The following BTRC variants were observed in gnomAD, a reference collection of about 807,000 sequenced individuals.
BTRC encodes the protein beta-transducin repeat containing E3 ubiquitin protein ligase.
Under a neutral mutation model 85.5 loss-of-function variants are expected in BTRC, and 42 were observed. That is an observed-to-expected ratio of 0.49 (90% CI 0.38 to 0.64). The LOEUF is 0.64. Among genes scored for constraint, BTRC ranks in the 30% least tolerant of loss-of-function variants. BTRC has a pLI of 0.00. For synonymous variants in BTRC, 255 were observed against 263.3 expected, an observed-to-expected ratio of 0.97 and a Z score of 0.30; for missense variants, 594 against 743.5, an observed-to-expected ratio of 0.80 and a Z score of 2.34.
intron 11 of BTRC, 44 bp from the exon 12 acceptor site, chr10:101,536,499 A>G (rs1426634414): frequency 1.4e-6 from 2 of 1,455,642 alleles, no homozygotes; most frequent in Non-Finnish European, 1.9e-6. Context: ...CCAGGCTTAG[A>G]AAAGAATACG....
intron 2 of BTRC, among the ~76,000 whole-genome samples, chr10:101,458,536 G>C (rs547911307): frequency 6.6e-6 from 1 of 152,094 alleles, no homozygotes; most frequent in African/African-American, 2.4e-5. Flanking sequence ...AATTAATATT[G>C]ATACAGTGTT....
At chr10:101,387,528 C>CTGTTTTTTTTTTTTTTTTTTTTT (rs1943110588) in intron 1 of BTRC, among the ~76,000 whole-genome samples, 1 of 45,092 alleles carries the variant, frequency 2.2e-5, no homozygotes, top group Non-Finnish European at 3.4e-5. Context: ...CTTCATGGGA[C>CTGTTTTTTTTTTTTTTTTTTTTT]TTTTTTTTTT....
chr10:101,382,942 T>C (rs976386831), intron 1 of BTRC, among the ~76,000 whole-genome samples: 1 of 152,106 alleles, frequency 6.6e-6, no homozygotes, highest in African/African-American at 2.4e-5. Flanking sequence ...AACTTTTATC[T>C]TTAGTGCAAC....
At chr10:101,535,591 T>A in intron 11 of BTRC, 119 bp downstream of exon 11, 1 of 671,618 alleles carries the variant, frequency 1.5e-6, no homozygotes, top group Non-Finnish European at 2.3e-6. Flanking sequence ...TTTTCCTTTC[T>A]GTAGCTTCTT....
At chr10:101,546,513 C>T (rs752381156) in intron 13 of BTRC, among the ~76,000 whole-genome samples, 8 of 151,858 alleles carry the variant, frequency 5.3e-5, no homozygotes, top group Admixed American at 1.3e-4. Context: ...AAAATGAAAA[C>T]ACAGCTATCA....
At chr10:101,357,102 C>G (rs558969873) in intron 1 of BTRC, among the ~76,000 whole-genome samples, 1 of 151,028 alleles carries the variant, frequency 6.6e-6, no homozygotes, top group African/African-American at 2.4e-5. Flanking sequence ...GCACTCCAGC[C>G]TGGGCGACAG....
At chr10:101,410,780 G>A (rs561556993) in intron 1 of BTRC, among the ~76,000 whole-genome samples, 2 of 151,852 alleles carry the variant, frequency 1.3e-5, no homozygotes, top group African/African-American at 2.4e-5. Context: ...AAAACAATAT[G>A]CATCTTTAAC....
chr10:101,389,451 A>G (rs1943180453), intron 1 of BTRC, among the ~76,000 whole-genome samples: 1 of 151,896 alleles, frequency 6.6e-6, no homozygotes, highest in Non-Finnish European at 1.5e-5. Flanking sequence ...GAGATCTAAA[A>G]TGTTCTAATA....
intron 1 of BTRC, among the ~76,000 whole-genome samples, chr10:101,417,749 A>G (rs1943985856): frequency 6.6e-6 from 1 of 152,028 alleles, no homozygotes; most frequent in African/African-American, 2.4e-5. Flanking sequence ...CAGTGGCGTG[A>G]TCCTCATTGT....
At chr10:101,402,476 G>A (rs930879832) in intron 1 of BTRC, among the ~76,000 whole-genome samples, 8 of 152,082 alleles carry the variant, frequency 5.3e-5, no homozygotes, top group African/African-American at 1.9e-4. Flanking sequence ...TTTAACAATT[G>A]TAAATAAACA....
At chr10:101,406,410 C>T (rs908579166) in intron 1 of BTRC, among the ~76,000 whole-genome samples, 1 of 151,964 alleles carries the variant, frequency 6.6e-6, no homozygotes, top group African/African-American at 2.4e-5. Context: ...GTGATCCGCC[C>T]GCCTCAGCCT....
At chr10:101,375,444 C>T (rs775211946) in intron 1 of BTRC, among the ~76,000 whole-genome samples, 4 of 152,160 alleles carry the variant, frequency 2.6e-5, no homozygotes, top group Non-Finnish European at 4.4e-5. Context: ...CCAATGAAAC[C>T]TCTTTTCTTA....
chr10:101,524,686 C>A (rs1311977592), intron 5 of BTRC, among the ~76,000 whole-genome samples: 1 of 152,160 alleles, frequency 6.6e-6, no homozygotes, highest in Non-Finnish European at 1.5e-5. Flanking sequence ...TTGGAAATTT[C>A]TGATGGTGTA....
At position 101,410,876 on chromosome 10, in the gene BTRC, C is replaced by T. The variant is rs368105524; in HGVS notation, c.49-19469C>T. ...TATCCTTTGTGTTATTATTGTCATA[C>T]GTTTTGTTTTCATGTATATTATGAA... On this transcript the variant is annotated intron_variant, in intron 1 of 14. Transcript: ENST00000370187. Among the ~76,000 whole-genome samples the T allele has an allele frequency of 1.3e-4, 19 of 151,618 alleles. No homozygotes were observed. In the South Asian group the frequency reaches 2.3e-3, roughly 18 times the overall value.
At chr10:101,467,234 C>T (rs1336228616) in intron 3 of BTRC, among the ~76,000 whole-genome samples, 1 of 148,360 alleles carries the variant, frequency 6.7e-6, no homozygotes, top group Non-Finnish European at 1.5e-5. Context: ...CCTTTAATAG[C>T]TCTGTAATGT....
At chr10:101,387,528 CTT>C (rs535656002) in intron 1 of BTRC, among the ~76,000 whole-genome samples, 26,473 of 45,236 alleles carry the variant, frequency 0.59, 8,403 homozygotes, top group Middle Eastern at 0.79. Flanking sequence ...CTTCATGGGA[CTT>C]TTTTTTTTTT....
intron 1 of BTRC, among the ~76,000 whole-genome samples, chr10:101,404,036 T>A (rs1432356642): frequency 9.9e-6 from 1 of 101,450 alleles, no homozygotes; most frequent in African/African-American, 3.8e-5. Context: ...ATATATTTTT[T>A]TTTTTTTTTT....
At chr10:101,484,435 T>C (rs1945928006) in intron 4 of BTRC, among the ~76,000 whole-genome samples, 2 of 152,208 alleles carry the variant, frequency 1.3e-5, no homozygotes, top group Non-Finnish European at 2.9e-5. Context: ...CCATGAACAG[T>C]GCAACTGTTT....
At chr10:101,477,519 G>T (rs1320272592) in intron 3 of BTRC, among the ~76,000 whole-genome samples, 1 of 152,104 alleles carries the variant, frequency 6.6e-6, no homozygotes, top group Non-Finnish European at 1.5e-5. Context: ...TCGCTGTGCT[G>T]CCCAGGCTGA....
Sources: allele counts gnomAD v4.1 joint callset (sites outside exome capture counted in the v4.1 genomes callset), GRCh38; gene constraint gnomAD v4.1.1; transcripts MANE v1.5; gene names NCBI Gene and HGNC (gene_info 2026-07-23, HGNC 2026-07-21).